Variants in XKR4 observed in about 807,000 individuals in gnomAD.
XKR4 encodes XK related 4, also known as XK-related protein 4.
In XKR4, 12 loss-of-function variants were observed where a neutral mutation model predicts 53.9. The observed-to-expected ratio is 0.22, with a 90% CI of 0.14 to 0.36. XKR4 has a LOEUF of 0.36. Among genes scored for constraint, XKR4 ranks in the 10% least tolerant of loss-of-function variants. XKR4 has a pLI of 1.00. For synonymous variants in XKR4, 354 were observed against 362.4 expected, an observed-to-expected ratio of 0.98 and a Z score of 0.26; for missense variants, 799 against 859.5, an observed-to-expected ratio of 0.93 and a Z score of 0.88.
intron 1 of XKR4, among the ~76,000 whole-genome samples, chr8:55,193,740 G>C (rs1165767351): frequency 6.6e-6 from 1 of 152,224 alleles, no homozygotes; most frequent in Non-Finnish European, 1.5e-5. Flanking sequence ...AGGACCCCGT[G>C]GGGTGAAGCC....
At chr8:55,519,847 G>T (rs1236141709) in intron 2 of XKR4, among the ~76,000 whole-genome samples, 1 of 152,218 alleles carries the variant, frequency 6.6e-6, no homozygotes, top group South Asian at 2.1e-4. Flanking sequence ...TCGCAAATGG[G>T]TGAGAGAGAG....
At chr8:55,190,158 CTGTT>C (rs150110079) in intron 1 of XKR4, among the ~76,000 whole-genome samples, 4,828 of 152,198 alleles carry the variant, frequency 0.032, 171 homozygotes, top group East Asian at 0.11. Context: ...GGTTTGTCCT[CTGTT>C]TGTGCAGTTT....
At chr8:55,326,458 AT>A (rs1203916921) in intron 1 of XKR4, among the ~76,000 whole-genome samples, 26 of 116,738 alleles carry the variant, frequency 2.2e-4, no homozygotes, top group Non-Finnish European at 3.5e-4. Context: ...CCCTCAACTG[AT>A]TTTTTTTCCT....
rs190116535 is a variant in XKR4 at position 55,352,295 on chromosome 8, A to G, written c.807-5383A>G. ...AGGCATTCCAGGGCAGGAGAACCAC[A>G]TGAGCAAAGGCACGAGGTGTGGATT... On this transcript the variant is annotated intron_variant, in intron 1 of 2. Coordinates refer to ENST00000327381, the MANE Select transcript of XKR4 (RefSeq NM_052898.2). Among the ~76,000 whole-genome samples, 97 of 152,358 alleles carry G rather than the reference A, an allele frequency of 6.4e-4. 1 individual carries two copies. The East Asian group carries it at 8.9e-3, about 14-fold the overall frequency.
At position 55,319,546 on chromosome 8, in the gene XKR4, T is replaced by C. The variant is rs1173201850; in HGVS notation, c.807-38132T>C. Reference sequence around the variant, plus strand: ...TTATTTTCTAATTTACATTGATTCATGGGCAAGAAACTGTAACGTGCTGCT... The same window carrying C: ...TTATTTTCTAATTTACATTGATTCACGGGCAAGAAACTGTAACGTGCTGCT... On this transcript the variant is annotated intron_variant, in intron 1 of 2. Coordinates refer to ENST00000327381, the MANE Select transcript of XKR4 (RefSeq NM_052898.2). Among the ~76,000 whole-genome samples, 4 of 152,194 alleles carry C rather than the reference T, an allele frequency of 2.6e-5. No homozygotes were observed. In the East Asian group the frequency reaches 7.7e-4, roughly 29 times the overall value.
intron 2 of XKR4, among the ~76,000 whole-genome samples, chr8:55,515,535 C>T (rs1806699665): frequency 6.6e-6 from 1 of 152,146 alleles, no homozygotes; most frequent in South Asian, 2.1e-4. Context: ...ACCATTCTGG[C>T]TCTGGATATT....
intron 1 of XKR4, among the ~76,000 whole-genome samples, chr8:55,353,900 T>C (rs1387828515): frequency 6.6e-6 from 1 of 152,188 alleles, no homozygotes; most frequent in African/African-American, 2.4e-5. Context: ...ACCTTAGAGT[T>C]CATACAGAGC....
chr8:55,141,671 CTGTGTG>C (rs370296200), intron 1 of XKR4, among the ~76,000 whole-genome samples: 14 of 135,286 alleles, frequency 1.0e-4, no homozygotes, highest in Middle Eastern at 3.9e-3. Context: ...CTCTCTCTCT[CTGTGTG>C]TGTGTGTGTG....
chr8:55,541,910 T>C lies in XKR4; in HGVS notation c.*17683T>C, dbSNP rs892253835. On this transcript the variant is annotated 3_prime_UTR_variant, in exon 3 of 3. Coordinates refer to ENST00000327381, the MANE Select transcript of XKR4 (RefSeq NM_052898.2). ...GTGTGGAGTATTTGATGTACTACAG[T>C]ACCATAGTTATTTTGGTCTGTTAAG... The C allele has an allele frequency of 1.3e-5, 2 of 152,146 alleles. No individual in the cohort carries two copies. The highest frequency in any genetic ancestry group is 2.9e-5 in the Non-Finnish European group (2 of 68,014). 9.4% of individuals were successfully genotyped at this position (152,146 alleles called of 1,614,324 possible).
At chr8:55,455,242 G>A (rs749258492) in intron 2 of XKR4, 3 of 192,768 alleles carry the variant, frequency 1.6e-5, no homozygotes, top group Admixed American at 6.4e-5. Flanking sequence ...CCCCGGGTTC[G>A]CTCCGCGGCG....
chr8:55,303,149 T>C (rs1819230499), intron 1 of XKR4, among the ~76,000 whole-genome samples: 1 of 152,238 alleles, frequency 6.6e-6, no homozygotes, highest in African/African-American at 2.4e-5. Context: ...TAGATAGATC[T>C]TATTATTTTG....
chr8:55,205,767 G>T (rs183914963), intron 1 of XKR4, among the ~76,000 whole-genome samples: 1 of 152,160 alleles, frequency 6.6e-6, no homozygotes, highest in African/African-American at 2.4e-5. Context: ...GAAAATGTAC[G>T]TCCCATATGG....
intron 1 of XKR4, among the ~76,000 whole-genome samples, chr8:55,243,219 G>T (rs1227536095): frequency 6.6e-6 from 1 of 152,116 alleles, no homozygotes; most frequent in Non-Finnish European, 1.5e-5. Flanking sequence ...GTTTACCTTA[G>T]GTTCACTCTT....
chr8:55,130,814 TA>T (rs1816542841), intron 1 of XKR4, among the ~76,000 whole-genome samples: 1 of 152,124 alleles, frequency 6.6e-6, no homozygotes, highest in Admixed American at 6.6e-5. Context: ...AATCTGAACA[TA>T]ATCTATTGAC....
intron 2 of XKR4, among the ~76,000 whole-genome samples, chr8:55,413,786 C>A (rs1804807354): frequency 6.6e-6 from 1 of 152,166 alleles, no homozygotes. Flanking sequence ...AGTCTCACCG[C>A]TTTCCCCTCC....
intron 1 of XKR4, among the ~76,000 whole-genome samples, chr8:55,338,987 A>T (rs1201753577): frequency 6.6e-6 from 1 of 152,226 alleles, no homozygotes; most frequent in Admixed American, 6.5e-5. Context: ...TCACAGCAGG[A>T]TTCCTTCTAG....
At chr8:55,474,122 G>A (rs986388051) in intron 2 of XKR4, among the ~76,000 whole-genome samples, 2 of 151,950 alleles carry the variant, frequency 1.3e-5, no homozygotes, top group African/African-American at 4.8e-5. Flanking sequence ...TGTTACCCAG[G>A]CTGGTCTTGA....
chr8:55,455,070 G>T, intron 2 of XKR4: 1 of 710,310 alleles, frequency 1.4e-6, no homozygotes, highest in Non-Finnish European at 2.6e-6. Flanking sequence ...ATCTGGCCCT[G>T]GCCTTTCCCA....
At chr8:55,261,949 G>A (rs1055715123) in intron 1 of XKR4, among the ~76,000 whole-genome samples, 1 of 151,476 alleles carries the variant, frequency 6.6e-6, no homozygotes, top group Non-Finnish European at 1.5e-5. Flanking sequence ...CTTTATCCAC[G>A]TCCTGGAAGA....
Sources: gnomAD v4.1 joint callset for allele counts (sites outside exome capture counted in the v4.1 genomes callset) on GRCh38, gnomAD v4.1.1 for gene constraint, MANE v1.5 for transcripts, NCBI Gene and HGNC (gene_info 2026-07-23, HGNC 2026-07-21) for gene names.